Variants in MAP4K3 observed in about 807,000 individuals in gnomAD.
MAP4K3 encodes mitogen-activated protein kinase kinase kinase kinase 3, also known as MAPK/ERK kinase kinase kinase 3.
MAP4K3 carries 94 observed loss-of-function variants against 143.5 expected under a neutral mutation model. That is an observed-to-expected ratio of 0.65 (90% CI 0.55 to 0.78). The LOEUF is 0.78. Among genes scored for constraint, MAP4K3 ranks in the 30% least tolerant of loss-of-function variants. The pLI, the probability that MAP4K3 is intolerant of heterozygous loss-of-function variation, is 0.00. For synonymous variants in MAP4K3, 416 were observed against 347.2 expected, an observed-to-expected ratio of 1.20 and a Z score of -2.20; for missense variants, 1,077 against 1,068.1, an observed-to-expected ratio of 1.01 and a Z score of -0.12.
At chr2:39,288,879 C>T (rs1487283774) in intron 19 of MAP4K3, among the ~76,000 whole-genome samples, 2 of 152,060 alleles carry the variant, frequency 1.3e-5, no homozygotes, top group African/African-American at 2.4e-5. Context: ...GGTGAAACCC[C>T]GTCTCTACTA....
chr2:39,325,415 G>A (rs1683453882), intron 12 of MAP4K3, 103 bp downstream of exon 12: 1 of 623,070 alleles, frequency 1.6e-6, no homozygotes, highest in Admixed American at 3.0e-5. Flanking sequence ...TTTAAACTAG[G>A]CCCCAAAATT....
At chr2:39,348,500 C>T (rs1001969298) in intron 3 of MAP4K3, among the ~76,000 whole-genome samples, 2 of 152,152 alleles carry the variant, frequency 1.3e-5, no homozygotes, top group African/African-American at 4.8e-5. Context: ...CCATGAATAT[C>T]TTTCTTATAA....
At chr2:39,361,300 TG>T (rs1665763839) in intron 2 of MAP4K3, among the ~76,000 whole-genome samples, 1 of 152,142 alleles carries the variant, frequency 6.6e-6, no homozygotes, top group African/African-American at 2.4e-5. Context: ...CACAATTCTA[TG>T]CCCCCTTACT....
At chr2:39,262,203 C>A (rs756460996) in intron 28 of MAP4K3, among the ~76,000 whole-genome samples, 1 of 152,068 alleles carries the variant, frequency 6.6e-6, no homozygotes, top group African/African-American at 2.4e-5. Flanking sequence ...AAAGGTGCAA[C>A]GGGGGATATC....
chr2:39,279,032 T>G (rs1464798168), intron 23 of MAP4K3, among the ~76,000 whole-genome samples: 2 of 152,174 alleles, frequency 1.3e-5, no homozygotes, highest in Admixed American at 6.6e-5. Context: ...CTTTCCATTT[T>G]TTTGTTTGTT....
intron 4 of MAP4K3, among the ~76,000 whole-genome samples, chr2:39,338,450 C>A (rs1665044156): frequency 6.6e-6 from 1 of 152,168 alleles, no homozygotes; most frequent in African/African-American, 2.4e-5. Flanking sequence ...CAAAATGTTA[C>A]TCAACAGTAA....
At chr2:39,388,702 T>C (rs1009394264) in intron 1 of MAP4K3, among the ~76,000 whole-genome samples, 1 of 152,182 alleles carries the variant, frequency 6.6e-6, no homozygotes, top group Non-Finnish European at 1.5e-5. Flanking sequence ...TGGAAATCCA[T>C]AATCACAAGT....
rs75480979 is a variant in MAP4K3 at position 39,280,008 on chromosome 2, T to C, written c.1714+264A>G. Among the ~76,000 whole-genome samples, 1,490 of 152,200 alleles carry C rather than the reference T, an allele frequency of 9.8e-3. 20 individuals are homozygous for C. The highest frequency in any genetic ancestry group is 0.033 in the African/African-American group (1,362 of 41,532). ...CTACTGTGCAGCAGCAGCAGAAACA[T>C]TTCTGGAGGAAACTAGGGTGGCTCA... is the stretch of plus-strand genomic sequence containing the variant. On this transcript the variant is annotated intron_variant, in intron 23 of 33. Coordinates refer to ENST00000263881, the MANE Select transcript of MAP4K3 (RefSeq NM_003618.4).
chr2:39,362,898 T>C (rs1036552189), intron 2 of MAP4K3, among the ~76,000 whole-genome samples: 3 of 152,064 alleles, frequency 2.0e-5, no homozygotes, highest in African/African-American at 7.2e-5. Context: ...AACACATGCA[T>C]ATAAGGTCAA....
chr2:39,420,066 T>C (rs1169755216), intron 1 of MAP4K3, among the ~76,000 whole-genome samples: 2 of 152,322 alleles, frequency 1.3e-5, no homozygotes, highest in South Asian at 2.1e-4. Flanking sequence ...AAGAGGAGTA[T>C]GAACCCCCTG....
intron 28 of MAP4K3, among the ~76,000 whole-genome samples, chr2:39,261,782 T>C (rs1680578875): frequency 6.6e-6 from 1 of 152,202 alleles, no homozygotes; most frequent in South Asian, 2.1e-4. Context: ...AATATAATGT[T>C]GCACAAAAAG....
chr2:39,267,959 T>G (rs910433304), intron 26 of MAP4K3, among the ~76,000 whole-genome samples: 1 of 152,172 alleles, frequency 6.6e-6, no homozygotes, highest in South Asian at 2.1e-4. Context: ...AAGATATCAT[T>G]GAGAAAATGA....
chr2:39,370,069 C>G (rs1194869894), intron 2 of MAP4K3, among the ~76,000 whole-genome samples: 5 of 152,180 alleles, frequency 3.3e-5, no homozygotes, highest in Non-Finnish European at 7.4e-5. Context: ...AATAAACATC[C>G]TTGAAGCCAA....
intron 20 of MAP4K3, among the ~76,000 whole-genome samples, chr2:39,287,441 G>A (rs1462289385): frequency 1.3e-5 from 2 of 152,118 alleles, no homozygotes; most frequent in Non-Finnish European, 2.9e-5. Flanking sequence ...GGGATTACAG[G>A]CATGCGCTAC....
At chr2:39,350,006 T>C (rs903806229) in intron 3 of MAP4K3, among the ~76,000 whole-genome samples, 4 of 152,166 alleles carry the variant, frequency 2.6e-5, no homozygotes, top group African/African-American at 9.7e-5. Context: ...CCAAGGAACA[T>C]TTGGCAAAGC....
At chr2:39,411,167 C>G (rs1392866865) in intron 1 of MAP4K3, among the ~76,000 whole-genome samples, 4 of 152,168 alleles carry the variant, frequency 2.6e-5, no homozygotes, top group African/African-American at 9.7e-5. Context: ...ATATTTACAT[C>G]AGAGAAATGT....
intron 4 of MAP4K3, among the ~76,000 whole-genome samples, chr2:39,339,685 G>C (rs1573172113): frequency 6.6e-6 from 1 of 152,180 alleles, no homozygotes; most frequent in East Asian, 1.9e-4. Flanking sequence ...TAGGGATTTT[G>C]GCTGTCATAG....
At position 39,363,425 on chromosome 2, in the gene MAP4K3, T is replaced by C. The variant is rs1018031265; in HGVS notation, c.155-7086A>G. ...GCTCATGCCTGTTATCCCAGCACTT[T>C]TGGAGGCCGAGGTGGGTGGATCACC... On this transcript the variant is annotated intron_variant, in intron 2 of 33. Coordinates refer to ENST00000263881, the MANE Select transcript of MAP4K3 (RefSeq NM_003618.4). Among the ~76,000 whole-genome samples, 5 of 152,284 alleles carry C rather than the reference T, an allele frequency of 3.3e-5. No individual in the cohort carries two copies. In the South Asian group the frequency reaches 6.2e-4, roughly 19 times the overall value.
intron 12 of MAP4K3, among the ~76,000 whole-genome samples, chr2:39,320,897 A>T (rs983679451): frequency 6.6e-6 from 1 of 152,176 alleles, no homozygotes; most frequent in Non-Finnish European, 1.5e-5. Flanking sequence ...ATTATGCTCT[A>T]AGTCTTAGAT....
Sources: gnomAD v4.1 joint callset for allele counts (sites outside exome capture counted in the v4.1 genomes callset) on GRCh38, gnomAD v4.1.1 for gene constraint, MANE v1.5 for transcripts, NCBI Gene and HGNC (gene_info 2026-07-23, HGNC 2026-07-21) for gene names.